VAV2: variants seen among roughly 807,000 people sequenced by gnomAD.
The protein encoded by VAV2 is guanine nucleotide exchange factor VAV2.
In VAV2, 67 loss-of-function variants were observed where a neutral mutation model predicts 132.5. The ratio of observed to expected loss-of-function variants is 0.51; its 90% CI spans 0.42 to 0.62. VAV2 has a LOEUF of 0.62. Among genes scored for constraint, VAV2 ranks in the 20% least tolerant of loss-of-function variants. VAV2 has a pLI of 0.00. For synonymous variants in VAV2, 492 were observed against 443.5 expected (o/e 1.11, Z -1.37); for missense variants, 938 against 1,153.6 (o/e 0.81, Z 2.71).
intron 18 of VAV2, among the ~76,000 whole-genome samples, chr9:133,783,912 A>C (rs1588168869): frequency 3.3e-5 from 4 of 120,956 alleles, no homozygotes; most frequent in African/African-American, 6.6e-5. Flanking sequence ...ACAGGGTCTC[A>C]CTCTGTCACC....
rs1285448989 is a variant in VAV2 at position 133,823,335 on chromosome 9, G to C, written c.449+10937C>G. Among the ~76,000 whole-genome samples, 2 of 152,210 alleles carry C rather than the reference G, an allele frequency of 1.3e-5. No individual in the cohort carries two copies. Among genetic ancestry groups the C allele is most frequent in the African/African-American group, 4.8e-5 (2 of 41,456 alleles). On this transcript the variant is annotated intron_variant, in intron 4 of 29. Coordinates refer to ENST00000371850, the MANE Select transcript of VAV2 (RefSeq NM_001134398.2). The surrounding 1 kb of genome is among the most constrained non-coding windows in gnomAD (Gnocchi z 5.5). ...GTGAAGGTGAACTTCAATTCAGCCT[G>C]GTAGGGTTGGGGGCTGCCTCTTAGA...
chr9:133,958,231 C>A (rs7389690), intron 1 of VAV2, among the ~76,000 whole-genome samples: 6,632 of 85,558 alleles, frequency 0.078, 402 homozygotes, highest in African/African-American at 0.12. Flanking sequence ...AAGAGGAAGG[C>A]ATGCCTCTTG....
chr9:133,815,030 T>C (rs1034120177), intron 4 of VAV2, among the ~76,000 whole-genome samples: 3 of 152,098 alleles, frequency 2.0e-5, no homozygotes, highest in African/African-American at 7.2e-5. Flanking sequence ...GATCCCGGGA[T>C]GGAAGAGGCA....
intron 1 of VAV2, among the ~76,000 whole-genome samples, chr9:133,940,432 T>C (rs913259545): frequency 3.9e-5 from 6 of 152,162 alleles, no homozygotes; most frequent in African/African-American, 1.4e-4. Context: ...TTAGACATAG[T>C]GCACGTCAGA....
At chr9:133,917,047 C>T (rs1034358346) in intron 2 of VAV2, among the ~76,000 whole-genome samples, 2 of 152,192 alleles carry the variant, frequency 1.3e-5, no homozygotes, top group Non-Finnish European at 2.9e-5. Flanking sequence ...GTCCCCTGTA[C>T]ATCCCACCCT....
In VAV2 at chr9:133,918,477, A is replaced by G. The variant is rs984697394; in HGVS notation, c.321+20626T>C. ...GGCAGACTCCTTCTCGGTGGCACCC[A>G]TTGTAAGAGTCAGCCTGGAATCTCT... On this transcript the variant is annotated intron_variant, in intron 2 of 29. Transcript: ENST00000371850. This position sits in a 1 kb window ranked among gnomAD's most constrained non-coding sequence, Gnocchi z 4.7. Among the ~76,000 whole-genome samples, 4 of 150,416 alleles carry G rather than the reference A, an allele frequency of 2.7e-5. No homozygotes were observed. Among genetic ancestry groups the G allele is most frequent in the South Asian group, 2.1e-4 (1 of 4,660 alleles).
chr9:133,967,719 G>C (rs985091062), intron 1 of VAV2, among the ~76,000 whole-genome samples: 69 of 151,552 alleles, frequency 4.6e-4, no homozygotes, highest in African/African-American at 1.6e-3. Context: ...ATCACTTGAG[G>C]CCAGGAGTTT....
intron 1 of VAV2, among the ~76,000 whole-genome samples, chr9:133,986,528 T>C (rs555667910): frequency 6.6e-6 from 1 of 152,326 alleles, no homozygotes; most frequent in South Asian, 2.1e-4. Flanking sequence ...TTGATGCTGT[T>C]GGCTGGATGG....
rs867174121 is a variant in VAV2 at position 133,985,865 on chromosome 9, G to T, written c.204+6210C>A. On this transcript the variant is annotated intron_variant, in intron 1 of 29. Coordinates refer to ENST00000371850, the MANE Select transcript of VAV2 (RefSeq NM_001134398.2). ...GTGAGCATCAATATAAATAATGATGGTAACAGGTTATATGCATGGAATAAA... is the reference window on the plus strand; with the variant it reads ...GTGAGCATCAATATAAATAATGATGTTAACAGGTTATATGCATGGAATAAA... 5.9e-5 allele frequency among the ~76,000 whole-genome samples: 9 copies of T among 152,250 alleles called. 1 individual carries two copies. In the South Asian group the frequency reaches 1.7e-3, roughly 28 times the overall value.
In VAV2 at chr9:133,791,852, G is replaced by A. The variant is rs750298329; in HGVS notation, c.1119C>T (p.Ile373=). The change falls in exon 13 of 30, where the codon ATC becomes ATT. Residue 373 remains isoleucine (I), a synonymous_variant. Transcript: ENST00000371850. ...TCTCCTTGTCCCGTTTAACTTCATT[G>A]ATGTACATCGCCAAGTCCTTGAAAA... ...LEAMQDLAMY[I]NEVKRDKETL... The A allele has an allele frequency of 6.2e-7, 1 of 1,611,166 alleles. No individual in the cohort carries two copies. Among genetic ancestry groups the A allele is most frequent in the Non-Finnish European group, 8.5e-7 (1 of 1,179,100 alleles).
chr9:133,852,293 G>C (rs1588269412), intron 3 of VAV2, among the ~76,000 whole-genome samples: 1 of 151,934 alleles, frequency 6.6e-6, no homozygotes, highest in African/African-American at 2.4e-5. Flanking sequence ...AGAATGGACA[G>C]GCAGATGGGT....
chr9:133,956,478 G>T (rs768938706), intron 1 of VAV2, among the ~76,000 whole-genome samples: 3 of 151,944 alleles, frequency 2.0e-5, no homozygotes, highest in African/African-American at 7.3e-5. Context: ...GTTTCGTTTT[G>T]TTTTTTTTCC....
Position 133,823,198 on chromosome 9 carries a change from T to C in VAV2, c.450-10982A>G, listed in dbSNP as rs958338640. On this transcript the variant is annotated intron_variant, in intron 4 of 29. Transcript: ENST00000371850. This position sits in a 1 kb window ranked among gnomAD's most constrained non-coding sequence, Gnocchi z 5.5. ...GTTAGGTGTCCTCTCTGTGCTCTGC[T>C]CCTTTATGAATGACCCTTATGGAGC... Among the ~76,000 whole-genome samples, 26 of 152,194 alleles carry C rather than the reference T, an allele frequency of 1.7e-4. No homozygotes were observed. Among genetic ancestry groups the C allele is most frequent in the African/African-American group, 6.3e-4 (26 of 41,440 alleles).
At chr9:133,972,627 ACAGT>A (rs1403688597) in intron 1 of VAV2, among the ~76,000 whole-genome samples, 2 of 152,200 alleles carry the variant, frequency 1.3e-5, no homozygotes, top group Non-Finnish European at 2.9e-5. Context: ...TGGAGCACAG[ACAGT>A]CAGAGTCATC....
chr9:133,923,550 G>A (rs1340702435), intron 2 of VAV2, among the ~76,000 whole-genome samples: 3 of 152,178 alleles, frequency 2.0e-5, no homozygotes, highest in African/African-American at 7.2e-5. Flanking sequence ...TGGTGGGAGT[G>A]TAAATTGGTT....
chr9:133,806,200 G>C lies in VAV2; in HGVS notation c.736-19C>G. ...TCAGGTCCTGGGTTGAAAACCAGCC[G>C]TGAGTGCCTGGCCAGGCCCACCCAA... On this transcript the variant is annotated intron_variant, in intron 8 of 29. Transcript: ENST00000371850. 1.2e-6 allele frequency: 2 copies of C among 1,605,020 alleles called. No homozygotes were observed. Among genetic ancestry groups the C allele is most frequent in the African/African-American group, 1.3e-5 (1 of 74,720 alleles).
At chr9:133,951,442 C>A (rs1841556816) in intron 1 of VAV2, among the ~76,000 whole-genome samples, 3 of 152,186 alleles carry the variant, frequency 2.0e-5, no homozygotes. Context: ...CCTGCAGGTG[C>A]CTACAAAGCC....
At chr9:133,779,983 C>G (rs758369076) in intron 20 of VAV2, 44 bp from the exon 21 acceptor site, 2 of 1,610,240 alleles carry the variant, frequency 1.2e-6, no homozygotes, top group East Asian at 2.2e-5. Context: ...GAAGGCTGCT[C>G]TTTGACTGTG....
intron 1 of VAV2, among the ~76,000 whole-genome samples, chr9:133,972,630 G>A (rs1842376286): frequency 6.6e-6 from 1 of 152,240 alleles, no homozygotes; most frequent in African/African-American, 2.4e-5. Flanking sequence ...AGCACAGACA[G>A]TCAGAGTCAT....
Sources: gnomAD v4.1 joint callset for allele counts (sites outside exome capture counted in the v4.1 genomes callset) on GRCh38, gnomAD v4.1.1 for gene constraint, Gnocchi (gnomAD v3.1) non-coding constraint, MANE v1.5 for transcripts, NCBI Gene and HGNC (gene_info 2026-07-23, HGNC 2026-07-21) for gene names.